The following WWOX variants were observed in gnomAD, a reference collection of about 807,000 sequenced individuals.
WWOX encodes the protein WW domain-containing oxidoreductase.
Under a neutral mutation model 46.2 loss-of-function variants are expected in WWOX, and 69 were observed. The ratio of observed to expected loss-of-function variants is 1.49; its 90% CI spans 1.23 to 1.82. The LOEUF (loss-of-function observed/expected upper bound fraction) is 1.82, where lower values mean the gene tolerates loss of function less well. WWOX is among the 40% of genes most tolerant of loss of function. The pLI, the probability that WWOX is intolerant of heterozygous loss-of-function variation, is 0.00. For missense variants in WWOX, 919 were observed against 542.6 expected (o/e 1.69, Z -6.89); for synonymous variants, 359 against 202.6 (o/e 1.77, Z -6.56).
At chr16:78,240,054 C>T (rs1369215483) in intron 5 of WWOX, among the ~76,000 whole-genome samples, 1 of 152,048 alleles carries the variant, frequency 6.6e-6, no homozygotes, top group Non-Finnish European at 1.5e-5. Flanking sequence ...AAATCCACAC[C>T]CACACAGAAT....
At chr16:78,790,615 C>A (rs941183966) in intron 8 of WWOX, among the ~76,000 whole-genome samples, 1 of 152,174 alleles carries the variant, frequency 6.6e-6, no homozygotes, top group Admixed American at 6.5e-5. Context: ...TTCTCTCTGG[C>A]AGATTAATTT....
intron 8 of WWOX, among the ~76,000 whole-genome samples, chr16:79,195,279 C>T (rs1321364986): frequency 6.6e-6 from 1 of 151,982 alleles, no homozygotes; most frequent in Non-Finnish European, 1.5e-5. Flanking sequence ...ACGTAGCAAG[C>T]AGGATGGGGT....
intron 8 of WWOX, among the ~76,000 whole-genome samples, chr16:78,638,243 G>A (rs904911365): frequency 6.6e-6 from 1 of 152,192 alleles, no homozygotes; most frequent in Non-Finnish European, 1.5e-5. Flanking sequence ...GCTTGGAGGG[G>A]TTGAATGGCC....
At chr16:78,828,222 C>T (rs1231957580) in intron 8 of WWOX, among the ~76,000 whole-genome samples, 2 of 152,196 alleles carry the variant, frequency 1.3e-5, no homozygotes, top group Non-Finnish European at 2.9e-5. Flanking sequence ...CTGGCTTCTG[C>T]TCCCTGTCAC....
At chr16:78,103,811 C>G (rs1597198812) in intron 1 of WWOX, among the ~76,000 whole-genome samples, 1 of 152,126 alleles carries the variant, frequency 6.6e-6, no homozygotes, top group Non-Finnish European at 1.5e-5. Flanking sequence ...GGCTGTAGCT[C>G]CCACTGAGAC....
At chr16:78,303,966 T>C (rs1047554020) in intron 5 of WWOX, among the ~76,000 whole-genome samples, 1 of 152,248 alleles carries the variant, frequency 6.6e-6, no homozygotes, top group Admixed American at 6.5e-5. Context: ...CAGCTTCTTT[T>C]AGAGCCCTTT....
At chr16:78,652,499 G>A (rs2046989624) in intron 8 of WWOX, among the ~76,000 whole-genome samples, 1 of 151,770 alleles carries the variant, frequency 6.6e-6, no homozygotes. Context: ...CTCTATAAAG[G>A]ACTATAAAAA....
chr16:79,051,442 T>A (rs1231697009), intron 8 of WWOX, among the ~76,000 whole-genome samples: 1 of 152,182 alleles, frequency 6.6e-6, no homozygotes, highest in Non-Finnish European at 1.5e-5. Flanking sequence ...GGCTTCACCT[T>A]GACCAACGAA....
At chr16:79,207,782 T>G (rs1046097306) in intron 8 of WWOX, among the ~76,000 whole-genome samples, 2 of 101,136 alleles carry the variant, frequency 2.0e-5, no homozygotes, top group African/African-American at 5.7e-5. Flanking sequence ...TATCAATATG[T>G]GGGTGCTTTT....
chr16:78,195,996 T>C (rs1337387216), intron 5 of WWOX, among the ~76,000 whole-genome samples: 1 of 152,192 alleles, frequency 6.6e-6, no homozygotes, highest in Non-Finnish European at 1.5e-5. Context: ...AGTATTGCTC[T>C]AACATTCTGG....
At chr16:78,861,039 C>T (rs567697186) in intron 8 of WWOX, among the ~76,000 whole-genome samples, 2 of 152,122 alleles carry the variant, frequency 1.3e-5, no homozygotes, top group South Asian at 2.1e-4. Context: ...AGGCTTGTCT[C>T]GAACTCCTGG....
intron 5 of WWOX, among the ~76,000 whole-genome samples, chr16:78,192,916 G>T (rs771071014): frequency 6.6e-6 from 1 of 152,186 alleles, no homozygotes; most frequent in South Asian, 2.1e-4. Context: ...ACCTTTTGCC[G>T]CAGTAACAAA....
intron 4 of WWOX, among the ~76,000 whole-genome samples, chr16:78,151,986 G>C (rs986961051): frequency 6.6e-5 from 10 of 152,196 alleles, no homozygotes; most frequent in African/African-American, 9.6e-5. Context: ...GTCAGGAGAT[G>C]GAGACCGTCC....
chr16:79,029,408 T>C (rs1278727537), intron 8 of WWOX, among the ~76,000 whole-genome samples: 1 of 152,188 alleles, frequency 6.6e-6, no homozygotes, highest in Non-Finnish European at 1.5e-5. Context: ...ATCAGCACCA[T>C]TGTCAAAACA....
At chr16:78,316,628 C>G (rs1332457678) in intron 5 of WWOX, among the ~76,000 whole-genome samples, 1 of 152,110 alleles carries the variant, frequency 6.6e-6, no homozygotes, top group Admixed American at 6.5e-5. Context: ...TAGGCCTGAG[C>G]CACGGTGCCT....
intron 8 of WWOX, among the ~76,000 whole-genome samples, chr16:78,931,018 C>T (rs1489902839): frequency 6.6e-6 from 1 of 152,142 alleles, no homozygotes; most frequent in African/African-American, 2.4e-5. Flanking sequence ...ATATCTATCT[C>T]CTACACCTGA....
At chr16:78,473,476 G>A (rs549133366) in intron 8 of WWOX, among the ~76,000 whole-genome samples, 4 of 152,176 alleles carry the variant, frequency 2.6e-5, no homozygotes, top group African/African-American at 4.8e-5. Context: ...ATTGCAGCAG[G>A]TTAGAGCACA....
intron 5 of WWOX, among the ~76,000 whole-genome samples, chr16:78,275,452 G>A (rs537408403): frequency 6.6e-6 from 1 of 152,190 alleles, no homozygotes; most frequent in Non-Finnish European, 1.5e-5. Context: ...TGGCTGGTCC[G>A]TACGCATCCC....
chr16:78,208,761 G>T (rs1263711097), intron 5 of WWOX, among the ~76,000 whole-genome samples: 1 of 152,148 alleles, frequency 6.6e-6, no homozygotes, highest in Non-Finnish European at 1.5e-5. Context: ...TGATATCTTT[G>T]TAATGTTTAT....
Sources: allele counts gnomAD v4.1 joint callset (sites outside exome capture counted in the v4.1 genomes callset), GRCh38; gene constraint gnomAD v4.1.1; transcripts MANE v1.5; gene names NCBI Gene and HGNC (gene_info 2026-07-23, HGNC 2026-07-21).